Variants in C1orf198 observed in about 807,000 individuals in gnomAD.
C1orf198 encodes chromosome 1 open reading frame 198.
A neutral mutation model predicts 31.4 loss-of-function variants in C1orf198; 17 were observed. The ratio of observed to expected loss-of-function variants is 0.54; its 90% CI spans 0.37 to 0.81. The LOEUF (loss-of-function observed/expected upper bound fraction) is 0.81, where lower values mean the gene tolerates loss of function less well. C1orf198 is among the 40% of genes least tolerant of loss of function. The pLI is 0.00. For synonymous variants in C1orf198, 175 were observed against 193.8 expected (o/e 0.90, Z 0.81); for missense variants, 401 against 450.3 (o/e 0.89, Z 0.99).
At chr1:230,868,119 G>C in intron 1 of C1orf198, 61 bp downstream of exon 1, 1 of 1,292,762 alleles carries the variant, frequency 7.7e-7, no homozygotes. Flanking sequence ...GGTGCCCACC[G>C]GGCCGGGGCG....
rs940199084 is a variant in C1orf198 at position 230,840,439 on chromosome 1, A to G, written c.928-531T>C. The stretch of plus-strand genomic sequence containing the variant: ...ACTCTAAGCTCAGCCTCCGGGGCTC[A>G]AGCGATCCTCTTGCCTCGGCCTCCC... On this transcript the variant is annotated intron_variant, in intron 3 of 3. Coordinates refer to ENST00000366663, the MANE Select transcript of C1orf198 (RefSeq NM_032800.3). The surrounding 1 kb of genome is among the most constrained non-coding windows in gnomAD (Gnocchi z 4.0). Among the ~76,000 whole-genome samples the G allele has an allele frequency of 6.6e-6, 1 of 152,212 alleles. No homozygotes were observed. The highest frequency in any genetic ancestry group is 1.5e-5 in the Non-Finnish European group (1 of 68,024).
chr1:230,866,782 G>A (rs1442767105), intron 1 of C1orf198, among the ~76,000 whole-genome samples: 7 of 152,080 alleles, frequency 4.6e-5, no homozygotes, highest in East Asian at 1.9e-4. Flanking sequence ...TTATAAATAC[G>A]CCTATTTTCC....
intron 2 of C1orf198, among the ~76,000 whole-genome samples, chr1:230,848,581 C>T (rs1047851263): frequency 9.9e-5 from 15 of 152,158 alleles, no homozygotes; most frequent in African/African-American, 3.4e-4. Context: ...TAAAAATACT[C>T]GAAGTGATGG....
rs545746066 is a variant in C1orf198, at chr1:230,859,135, C to G, written c.334-3417G>C. ...GCTCTGATGTCAGCCGTGGACTGCA[C>G]GCTCTAGCCACAAAAAAGCACTGGC... On this transcript the variant is annotated intron_variant, in intron 1 of 3. Coordinates refer to ENST00000366663, the MANE Select transcript of C1orf198 (RefSeq NM_032800.3). 1.9e-4 allele frequency among the ~76,000 whole-genome samples: 29 copies of G among 152,288 alleles called. No homozygotes were observed. The South Asian group carries it at 5.2e-3, about 27-fold the overall frequency.
At chr1:230,846,940 A>C (rs2102977525) in intron 2 of C1orf198, among the ~76,000 whole-genome samples, 1 of 151,656 alleles carries the variant, frequency 6.6e-6, no homozygotes, top group East Asian at 1.9e-4. Context: ...CGTCTCTACT[A>C]AAAATACAAA....
At chr1:230,849,952 C>T (rs1031336864) in intron 2 of C1orf198, among the ~76,000 whole-genome samples, 2 of 152,176 alleles carry the variant, frequency 1.3e-5, no homozygotes, top group African/African-American at 2.4e-5. Context: ...CCCAAAGAGA[C>T]GGGGCGTGAA....
At chr1:230,852,730 T>C (rs1490952918) in intron 2 of C1orf198, among the ~76,000 whole-genome samples, 1 of 152,108 alleles carries the variant, frequency 6.6e-6, no homozygotes, top group Non-Finnish European at 1.5e-5. Flanking sequence ...AAAAAATCAA[T>C]GAGTGATTAA....
chr1:230,851,201 C>G (rs749400734), intron 2 of C1orf198, among the ~76,000 whole-genome samples: 1 of 152,150 alleles, frequency 6.6e-6, no homozygotes, highest in East Asian at 1.9e-4. Flanking sequence ...ATCAAGGAAC[C>G]GATCCCCAGC....
At position 230,843,811 on chromosome 1, in the gene C1orf198, T is replaced by C. The variant is rs762010027; in HGVS notation, c.470A>G (p.Lys157Arg). 7 of 1,598,828 alleles carry C rather than the reference T, an allele frequency of 4.4e-6. No homozygotes were observed. In the East Asian group the frequency reaches 8.9e-5, roughly 20 times the overall value. Residue 157 changes from lysine to arginine, a missense_variant, in exon 3 of 4, where the codon AAA becomes AGA. Transcript: ENST00000366663. This position sits in a 1 kb window ranked among gnomAD's most constrained non-coding sequence, Gnocchi z 4.9. ...TAASEPRPLS[K>R]ASQGSQALKS... ...GAGGGCCTGGGAGCCCTGGGAAGCT[T>C]TGGACAGTGGTCTGGGCTCGCTGGC...
chr1:230,851,889 T>C (rs1015399160), intron 2 of C1orf198, among the ~76,000 whole-genome samples: 4 of 151,884 alleles, frequency 2.6e-5, no homozygotes, highest in Non-Finnish European at 4.4e-5. Flanking sequence ...TCTGTGGAGG[T>C]GGAATGGTCA....
chr1:230,855,121 A>G (rs1003541692), intron 2 of C1orf198, among the ~76,000 whole-genome samples: 2 of 152,200 alleles, frequency 1.3e-5, no homozygotes, highest in Admixed American at 1.3e-4. Flanking sequence ...GGGAAAATGA[A>G]TTAAAATCAG....
rs1376775441 is a variant in C1orf198, at chr1:230,840,731, C to T, written c.928-823G>A. Among the ~76,000 whole-genome samples, 1 of 152,156 alleles carries T rather than the reference C, an allele frequency of 6.6e-6. No homozygotes were observed. Among genetic ancestry groups the T allele is most frequent in the African/African-American group, 2.4e-5 (1 of 41,426 alleles). ...CAAAGAAACCTTGACTCTCCACCCT[C>T]CAAGCAGCCGGCCAGCAGAAAATGC... On this transcript the variant is annotated intron_variant, in intron 3 of 3. Coordinates refer to ENST00000366663, the MANE Select transcript of C1orf198 (RefSeq NM_032800.3). This position sits in a 1 kb window ranked among gnomAD's most constrained non-coding sequence, Gnocchi z 4.0.
intron 1 of C1orf198, chr1:230,855,986 G>C (rs1189118306): frequency 4.8e-6 from 6 of 1,256,132 alleles, no homozygotes; most frequent in East Asian, 3.2e-5. Flanking sequence ...AATGGACTCA[G>C]ACAGATGAGA....
At position 230,850,360 on chromosome 1, in the gene C1orf198, G is replaced by T. The variant is rs74144850; in HGVS notation, c.384+5308C>A. ...GATTACACTCTGCAATGCAGGGAGG[G>T]TGCTCAGCACAGACCCGGCACGTGG... On this transcript the variant is annotated intron_variant, in intron 2 of 3. Transcript: ENST00000366663. Among the ~76,000 whole-genome samples, 476 of 152,364 alleles carry T rather than the reference G, an allele frequency of 3.1e-3. 1 individual carries two copies. The highest frequency in any genetic ancestry group is 0.011 in the African/African-American group (445 of 41,588).
chr1:230,843,804 G>A lies in C1orf198; in HGVS notation c.477C>T (p.Ser159=), dbSNP rs768907418. ...AGGACTTGAGGGCCTGGGAGCCCTGGGAAGCTTTGGACAGTGGTCTGGGCT... is the reference window on the plus strand; with the variant it reads ...AGGACTTGAGGGCCTGGGAGCCCTGAGAAGCTTTGGACAGTGGTCTGGGCT... ...ASEPRPLSKA[S]QGSQALKSSQ... Residue 159 remains serine (S), a synonymous_variant, in exon 3 of 4, where the codon TCC becomes TCT. Coordinates refer to ENST00000366663, the MANE Select transcript of C1orf198 (RefSeq NM_032800.3). The surrounding 1 kb of genome is among the most constrained non-coding windows in gnomAD (Gnocchi z 4.9). 2.5e-6 allele frequency: 4 copies of A among 1,603,490 alleles called. No individual in the cohort carries two copies. The highest frequency in any genetic ancestry group is 3.4e-5 in the Admixed American group (2 of 58,740).
intron 2 of C1orf198, among the ~76,000 whole-genome samples, chr1:230,845,163 A>G (rs1002890203): frequency 2.0e-5 from 3 of 150,512 alleles, no homozygotes; most frequent in Non-Finnish European, 4.4e-5. Flanking sequence ...GCCCAGTTTG[A>G]GACCAGCCTG....
At chr1:230,850,381 C>A (rs944316543) in intron 2 of C1orf198, among the ~76,000 whole-genome samples, 2 of 152,188 alleles carry the variant, frequency 1.3e-5, no homozygotes, top group Admixed American at 6.5e-5. Flanking sequence ...AGACCCGGCA[C>A]GTGGTGAGAT....
At chr1:230,860,554 T>C (rs561728025) in intron 1 of C1orf198, among the ~76,000 whole-genome samples, 3 of 152,326 alleles carry the variant, frequency 2.0e-5, no homozygotes, top group African/African-American at 7.2e-5. Context: ...TTCTGATACA[T>C]GCTTCAACAT....
chr1:230,854,331 A>C (rs1343074547), intron 2 of C1orf198, among the ~76,000 whole-genome samples: 2 of 152,194 alleles, frequency 1.3e-5, no homozygotes, highest in Non-Finnish European at 2.9e-5. Flanking sequence ...AGCCCATAGA[A>C]GAGGAATATT....
Sources: allele counts gnomAD v4.1 joint callset (sites outside exome capture counted in the v4.1 genomes callset), GRCh38; gene constraint gnomAD v4.1.1; non-coding constraint Gnocchi (gnomAD v3.1); transcripts MANE v1.5; gene names NCBI Gene and HGNC (gene_info 2026-07-23, HGNC 2026-07-21).